CELF4: variants seen among roughly 807,000 people sequenced by gnomAD.
CELF4 encodes CUGBP Elav-like family member 4, also known as CUG-BP- and ETR-3-like factor 4.
In CELF4, 18 loss-of-function variants were observed where a neutral mutation model predicts 59.9. The observed-to-expected ratio is 0.30, with a 90% CI of 0.21 to 0.45. The LOEUF (loss-of-function observed/expected upper bound fraction) is 0.45, where lower values mean the gene tolerates loss of function less well. Among genes scored for constraint, CELF4 ranks in the 20% least tolerant of loss-of-function variants. The pLI is 1.00. For missense variants in CELF4, 456 were observed against 689.0 expected, an observed-to-expected ratio of 0.66 and a Z score of 3.79; for synonymous variants, 261 against 267.1, an observed-to-expected ratio of 0.98 and a Z score of 0.22.
At chr18:37,465,775 C>CA (rs1460057614) in intron 2 of CELF4, among the ~76,000 whole-genome samples, 1 of 152,106 alleles carries the variant, frequency 6.6e-6, no homozygotes. Flanking sequence ...ATGGGGTAGT[C>CA]AAGAAAGGCT....
chr18:37,333,458 G>A (rs998563142), intron 2 of CELF4, among the ~76,000 whole-genome samples: 4 of 151,650 alleles, frequency 2.6e-5, no homozygotes, highest in African/African-American at 7.3e-5. Flanking sequence ...CACTTTTGAG[G>A]AATACCTAAC....
chr18:37,350,946 G>T (rs1192555052), intron 2 of CELF4, among the ~76,000 whole-genome samples: 1 of 152,180 alleles, frequency 6.6e-6, no homozygotes, highest in Non-Finnish European at 1.5e-5. Flanking sequence ...TCTCTGGGGA[G>T]CCCCCACTCA....
At chr18:37,375,349 C>T (rs568277062) in intron 2 of CELF4, among the ~76,000 whole-genome samples, 35 of 152,266 alleles carry the variant, frequency 2.3e-4, no homozygotes, top group African/African-American at 3.1e-4. Context: ...GCCGGCTGGA[C>T]GGCTCTCGGG....
chr18:37,506,781 G>A (rs1313813528), intron 1 of CELF4, among the ~76,000 whole-genome samples: 2 of 152,206 alleles, frequency 1.3e-5, no homozygotes, highest in South Asian at 2.1e-4. Flanking sequence ...GGGAAATGGG[G>A]GGAAGCATCG....
rs115121425 is a variant in CELF4 at position 37,468,087 on chromosome 18, A to G, written c.369+17438T>C. ...TTCTACATGGGCCTTTGCAAGTACA[A>G]TTTTATCCAGGATCGTTCATGTGGA... On this transcript the variant is annotated intron_variant, in intron 2 of 12. Transcript: ENST00000420428. Among the ~76,000 whole-genome samples the G allele has an allele frequency of 4.8e-3, 726 of 152,290 alleles. 6 individuals are homozygous for G. The highest frequency in any genetic ancestry group is 0.017 in the African/African-American group (696 of 41,538).
intron 1 of CELF4, among the ~76,000 whole-genome samples, chr18:37,545,729 C>T (rs1015568842): frequency 2.7e-5 from 4 of 148,828 alleles, no homozygotes; most frequent in Non-Finnish European, 5.9e-5. Flanking sequence ...CTCTCTCTCA[C>T]TCTCATATGC....
At chr18:37,533,976 A>G (rs2099971492) in intron 1 of CELF4, among the ~76,000 whole-genome samples, 1 of 152,128 alleles carries the variant, frequency 6.6e-6, no homozygotes, top group African/African-American at 2.4e-5. Context: ...GTTATTCCAG[A>G]GCCTTGAAGC....
chr18:37,469,241 G>C (rs955431316), intron 2 of CELF4, among the ~76,000 whole-genome samples: 2 of 152,086 alleles, frequency 1.3e-5, no homozygotes, highest in African/African-American at 4.8e-5. Context: ...TGTCATGACG[G>C]CAGGGGCATC....
chr18:37,279,812 G>A lies in CELF4; in HGVS notation c.449-4569C>T, dbSNP rs1299045660. Reference sequence around the variant, plus strand: ...CCCCGGATAACACCAAGGGTTTCATGCTTTTCCAGATAAGGAAGCTGGGGC... The same window carrying A: ...CCCCGGATAACACCAAGGGTTTCATACTTTTCCAGATAAGGAAGCTGGGGC... On this transcript the variant is annotated intron_variant, in intron 3 of 12. Coordinates refer to ENST00000420428, the MANE Select transcript of CELF4 (RefSeq NM_020180.4). Among the ~76,000 whole-genome samples, 3 of 152,216 alleles carry A rather than the reference G, an allele frequency of 2.0e-5. No individual in the cohort carries two copies. In the East Asian group the frequency reaches 5.8e-4, roughly 29 times the overall value.
chr18:37,557,938 T>C (rs2099985285), intron 1 of CELF4, among the ~76,000 whole-genome samples: 1 of 149,896 alleles, frequency 6.7e-6, no homozygotes, highest in South Asian at 2.1e-4. Flanking sequence ...AAACCAAATG[T>C]GGAACAAGTA....
intron 10 of CELF4, among the ~76,000 whole-genome samples, chr18:37,263,226 GC>G (rs1320161841): frequency 6.6e-6 from 1 of 152,116 alleles, no homozygotes; most frequent in Admixed American, 6.5e-5. Flanking sequence ...GGAAGGAGGT[GC>G]CAGAGTCCCA....
intron 2 of CELF4, among the ~76,000 whole-genome samples, chr18:37,350,895 T>A (rs1350466160): frequency 6.6e-6 from 1 of 151,986 alleles, no homozygotes; most frequent in Non-Finnish European, 1.5e-5. Context: ...CCACAACAGC[T>A]GGGGAGCAGG....
intron 2 of CELF4, among the ~76,000 whole-genome samples, chr18:37,427,124 C>T (rs1463229469): frequency 6.6e-6 from 1 of 152,048 alleles, no homozygotes; most frequent in Non-Finnish European, 1.5e-5. Flanking sequence ...AGGAAGAAGG[C>T]CCTTGTTCAA....
At chr18:37,250,682 C>T (rs1171594537) in intron 12 of CELF4, among the ~76,000 whole-genome samples, 2 of 152,134 alleles carry the variant, frequency 1.3e-5, no homozygotes, top group African/African-American at 2.4e-5. Flanking sequence ...TTTCCTCCCT[C>T]GCTGGCAGTC....
chr18:37,408,105 CTGGA>C (rs2099402574), intron 2 of CELF4, among the ~76,000 whole-genome samples: 1 of 152,206 alleles, frequency 6.6e-6, no homozygotes, highest in African/African-American at 2.4e-5. Flanking sequence ...CTCTGAATCA[CTGGA>C]TGCTAGCTCT....
Position 37,254,626 on chromosome 18 carries a change from C to T in CELF4, c.1334-688G>A, listed in dbSNP as rs1202621469. The stretch of plus-strand genomic sequence containing the variant: ...CGGCACCTCTCTTCTCCACGCCCTG[C>T]GCCGTGGACTAAGCACGCACCAGCT... On this transcript the variant is annotated intron_variant, in intron 11 of 12. Coordinates refer to ENST00000420428, the MANE Select transcript of CELF4 (RefSeq NM_020180.4). This position sits in a 1 kb window ranked among gnomAD's most constrained non-coding sequence, Gnocchi z 5.1. 1.3e-5 allele frequency among the ~76,000 whole-genome samples: 2 copies of T among 152,236 alleles called. No homozygotes were observed. The highest frequency in any genetic ancestry group is 4.8e-5 in the African/African-American group (2 of 41,472).
intron 2 of CELF4, among the ~76,000 whole-genome samples, chr18:37,461,652 C>T (rs1569569496): frequency 6.6e-6 from 1 of 152,202 alleles, no homozygotes; most frequent in Non-Finnish European, 1.5e-5. Context: ...GGAGGCAAGG[C>T]ATCTCAGGCA....
intron 2 of CELF4, among the ~76,000 whole-genome samples, chr18:37,474,181 C>G (rs1459832569): frequency 6.6e-6 from 1 of 152,144 alleles, no homozygotes; most frequent in Non-Finnish European, 1.5e-5. Context: ...CCACTGCAGC[C>G]AAATGAATTT....
chr18:37,517,703 G>A (rs553327512), intron 1 of CELF4, among the ~76,000 whole-genome samples: 3 of 152,290 alleles, frequency 2.0e-5, no homozygotes, highest in East Asian at 1.9e-4. Flanking sequence ...TCTGGGAAAG[G>A]GCTCCTGGTG....
Sources: allele counts gnomAD v4.1 joint callset (sites outside exome capture counted in the v4.1 genomes callset), GRCh38; gene constraint gnomAD v4.1.1; non-coding constraint Gnocchi (gnomAD v3.1); transcripts MANE v1.5; gene names NCBI Gene and HGNC (gene_info 2026-07-23, HGNC 2026-07-21).